The following AAMDC variants were observed in gnomAD, a reference collection of about 807,000 sequenced individuals.
AAMDC encodes adipogenesis associated Mth938 domain containing.
In AAMDC, 16 loss-of-function variants were observed where a neutral mutation model predicts 15.5. The observed-to-expected ratio is 1.03, with a 90% CI of 0.70 to 1.57. The LOEUF is 1.57. Ranked by LOEUF, AAMDC falls within the 40% of genes most tolerant of loss-of-function variation. AAMDC has a pLI of 0.00. For missense variants in AAMDC, 141 were observed against 144.9 expected, an observed-to-expected ratio of 0.97 and a Z score of 0.14; for synonymous variants, 51 against 51.6, an observed-to-expected ratio of 0.99 and a Z score of 0.05.
At chr11:77,842,722 TTG>T in intron 2 of AAMDC, 94 bp downstream of exon 2, 1 of 1,518,890 alleles carries the variant, frequency 6.6e-7, no homozygotes, top group Non-Finnish European at 8.9e-7. Context: ...ACTATTTCTC[TTG>T]TGTCTTTTTG....
downstream of AAMDC, chr11:77,903,512 T>C: frequency 1.2e-6 from 2 of 1,610,274 alleles, no homozygotes; most frequent in South Asian, 2.2e-5. Context: ...CAGAGACCTA[T>C]TTGAAGGGAA....
At chr11:77,866,907 C>G (rs1321323556) in intron 2 of AAMDC, among the ~76,000 whole-genome samples, 6 of 151,936 alleles carry the variant, frequency 3.9e-5, no homozygotes, top group African/African-American at 1.5e-4. Context: ...GTGGCACAAT[C>G]TCAGCTCACT....
intron 2 of AAMDC, among the ~76,000 whole-genome samples, chr11:77,865,456 G>C (rs1198670602): frequency 6.6e-6 from 1 of 152,178 alleles, no homozygotes; most frequent in African/African-American, 2.4e-5. Flanking sequence ...TAACTTGCAA[G>C]GAAGAGGAAA....
At chr11:77,875,631 AG>A (rs1951574015), downstream of AAMDC, among the ~76,000 whole-genome samples, 2 of 152,180 alleles carry the variant, frequency 1.3e-5, no homozygotes, top group African/African-American at 4.8e-5. Context: ...ACCTTTCTTA[AG>A]GGGTTTGCAT....
At chr11:77,875,358 A>T (rs1488911230), downstream of AAMDC, among the ~76,000 whole-genome samples, 1 of 152,196 alleles carries the variant, frequency 6.6e-6, no homozygotes, top group African/African-American at 2.4e-5. Context: ...AATTGGCACA[A>T]ATCTGCCTGG....
intron 2 of AAMDC, among the ~76,000 whole-genome samples, chr11:77,844,071 A>G (rs1332272766): frequency 1.3e-5 from 2 of 152,134 alleles, no homozygotes; most frequent in Non-Finnish European, 2.9e-5. Flanking sequence ...TTAAAAATCT[A>G]AGATGAGATT....
chr11:77,862,991 G>A (rs912482328), intron 2 of AAMDC, among the ~76,000 whole-genome samples: 6 of 152,054 alleles, frequency 3.9e-5, no homozygotes, highest in East Asian at 1.9e-4. Context: ...AAATGTTACC[G>A]GGGGGTCCTT....
At chr11:77,879,046 C>A (rs1387356555) in intron 5 of AAMDC, 1 of 1,614,032 alleles carries the variant, frequency 6.2e-7, no homozygotes, top group Non-Finnish European at 8.5e-7. Flanking sequence ...TGACATCTCA[C>A]CACCCTCCAT....
chr11:77,886,033 A>G (rs990578296), intron 5 of AAMDC, among the ~76,000 whole-genome samples: 1 of 151,804 alleles, frequency 6.6e-6, no homozygotes, highest in Non-Finnish European at 1.5e-5. Context: ...AGACCCCCCA[A>G]TCTCCACACA....
downstream of AAMDC, among the ~76,000 whole-genome samples, chr11:77,872,809 A>C (rs667225): frequency 0.22 from 33,824 of 152,158 alleles, 3,835 homozygotes; most frequent in Non-Finnish European, 0.24. Context: ...TTAGCTGGGC[A>C]TGGTGGCACG....
At chr11:77,872,900 G>A (rs937358862), downstream of AAMDC, among the ~76,000 whole-genome samples, 4 of 152,286 alleles carry the variant, frequency 2.6e-5, no homozygotes, top group East Asian at 3.9e-4. Flanking sequence ...GCGGTGAGCC[G>A]AAATGGTGCC....
intron 5 of AAMDC, chr11:77,891,660 A>G: frequency 1.2e-6 from 2 of 1,611,404 alleles, no homozygotes; most frequent in Non-Finnish European, 8.5e-7. Flanking sequence ...TTTGGCCTAC[A>G]GGGGCCAAAT....
chr11:77,863,643 C>T (rs1229790129), intron 2 of AAMDC, among the ~76,000 whole-genome samples: 1 of 152,140 alleles, frequency 6.6e-6, no homozygotes, highest in Non-Finnish European at 1.5e-5. Flanking sequence ...CCCACCTTGG[C>T]CTCCCAATGT....
chr11:77,840,919 T>G (rs1949904750), intron 1 of AAMDC: 1 of 397,354 alleles, frequency 2.5e-6, no homozygotes, highest in East Asian at 3.7e-5. Context: ...ACTAAATGTC[T>G]TAATCCATTT....
chr11:77,889,986 C>T (rs1275569938), intron 5 of AAMDC, among the ~76,000 whole-genome samples: 7 of 152,132 alleles, frequency 4.6e-5, no homozygotes, highest in African/African-American at 9.7e-5. Context: ...TCACTGACTA[C>T]GTATTAGAAT....
At chr11:77,833,272 A>G (rs1174694834) in intron 1 of AAMDC, among the ~76,000 whole-genome samples, 1 of 152,038 alleles carries the variant, frequency 6.6e-6, no homozygotes, top group Non-Finnish European at 1.5e-5. Context: ...AAATAATTAT[A>G]CAACTGACCA....
At chr11:77,843,868 A>G (rs966216383) in intron 2 of AAMDC, among the ~76,000 whole-genome samples, 1 of 152,182 alleles carries the variant, frequency 6.6e-6, no homozygotes, top group Admixed American at 6.5e-5. Flanking sequence ...GGCAGAAGGC[A>G]AGGAGGAGCA....
rs553066289 is a variant in AAMDC, at chr11:77,878,231, A to G, written c.328+1182A>G. On this transcript the variant is annotated intron_variant, in intron 5 of 5. Coordinates refer to the AAMDC transcript ENST00000304716. Reference sequence around the variant, plus strand: ...CAAAAAATTAGCAAGGCGTGGTGACAGGCGCCTGTAGTCCCACCTACTCAG... The same window carrying G: ...CAAAAAATTAGCAAGGCGTGGTGACGGGCGCCTGTAGTCCCACCTACTCAG... Among the ~76,000 whole-genome samples the G allele has an allele frequency of 1.4e-3, 212 of 152,154 alleles. 1 individual carries two copies. The highest frequency in any genetic ancestry group is 2.1e-3 in the Admixed American group (32 of 15,284).
chr11:77,835,607 T>C (rs1949647439), intron 1 of AAMDC, among the ~76,000 whole-genome samples: 1 of 152,204 alleles, frequency 6.6e-6, no homozygotes, highest in Admixed American at 6.5e-5. Context: ...ATGCATTTCC[T>C]TATTTAATAG....
Sources: allele counts gnomAD v4.1 joint callset (sites outside exome capture counted in the v4.1 genomes callset), GRCh38; gene constraint gnomAD v4.1.1; transcripts MANE v1.5; gene names NCBI Gene and HGNC (gene_info 2026-07-23, HGNC 2026-07-21).